LATS2: variants seen among roughly 807,000 people sequenced by gnomAD.
LATS2 encodes large tumor suppressor kinase 2.
Under a neutral mutation model 76.0 loss-of-function variants are expected in LATS2, and 24 were observed. The observed-to-expected ratio is 0.32, with a 90% CI of 0.23 to 0.44. The LOEUF is 0.44. Among genes scored for constraint, LATS2 ranks in the 20% least tolerant of loss-of-function variants. The pLI, the probability that LATS2 is intolerant of heterozygous loss-of-function variation, is 1.00. For missense variants in LATS2, 1,286 were observed against 1,481.2 expected (o/e 0.87, Z 2.16); for synonymous variants, 692 against 635.4 (o/e 1.09, Z -1.34).
At position 21,028,858 on chromosome 13, in the gene LATS2, G is replaced by A. The variant is rs538377731; in HGVS notation, c.342+16827C>T. Among the ~76,000 whole-genome samples, 4 of 152,202 alleles carry A rather than the reference G, an allele frequency of 2.6e-5. No homozygotes were observed. The East Asian group carries it at 7.7e-4, about 29-fold the overall frequency. On this transcript the variant is annotated intron_variant, in intron 2 of 7. Transcript: ENST00000382592. ...ACTGAGATTACAGGTGTGAGCCACC[G>A]TACCCGGCCAAATTTCAACTTTCAA...
chr13:20,992,910 C>G (rs1184981914), intron 2 of LATS2, among the ~76,000 whole-genome samples: 1 of 151,986 alleles, frequency 6.6e-6, no homozygotes, highest in Non-Finnish European at 1.5e-5. Flanking sequence ...TGGTGTGTGC[C>G]TGTAGTTCCA....
intron 1 of LATS2, among the ~76,000 whole-genome samples, chr13:21,048,606 C>T (rs1038209187): frequency 7.2e-5 from 11 of 151,994 alleles, no homozygotes; most frequent in Admixed American, 2.0e-4. Flanking sequence ...TCAAGGCGGG[C>T]GGATCATCTG....
At chr13:21,058,941 G>C (rs1254810795) in intron 1 of LATS2, among the ~76,000 whole-genome samples, 1 of 136,678 alleles carries the variant, frequency 7.3e-6, no homozygotes. Context: ...GGTTGTTACA[G>C]AAAAAAAAAA....
intron 2 of LATS2, among the ~76,000 whole-genome samples, chr13:20,994,900 T>C (rs940418475): frequency 4.6e-5 from 7 of 151,766 alleles, no homozygotes; most frequent in Non-Finnish European, 8.8e-5. Flanking sequence ...GAAGAATGTA[T>C]AAAGATCATC....
intron 2 of LATS2, among the ~76,000 whole-genome samples, chr13:21,011,416 T>C (rs568161642): frequency 7.9e-5 from 12 of 152,354 alleles, no homozygotes; most frequent in South Asian, 4.1e-4. Flanking sequence ...AGGAAACTCC[T>C]GTTTTTAAAC....
chr13:21,044,438 A>C (rs1000619266), intron 2 of LATS2, among the ~76,000 whole-genome samples: 3 of 152,190 alleles, frequency 2.0e-5, no homozygotes, highest in African/African-American at 7.2e-5. Flanking sequence ...TACTTTTCCA[A>C]GGTACCAAAA....
At chr13:20,978,537 T>C (rs1869731088) in intron 7 of LATS2, among the ~76,000 whole-genome samples, 1 of 152,138 alleles carries the variant, frequency 6.6e-6, no homozygotes, top group South Asian at 2.1e-4. Flanking sequence ...CGAACAATGA[T>C]ATAATATCCA....
At chr13:21,018,595 AG>A (rs1871905697) in intron 2 of LATS2, among the ~76,000 whole-genome samples, 1 of 152,222 alleles carries the variant, frequency 6.6e-6, no homozygotes, top group South Asian at 2.1e-4. Context: ...TCCTTCACCC[AG>A]GTGCCTGAGA....
chr13:21,059,181 C>T (rs1051931711), intron 1 of LATS2, among the ~76,000 whole-genome samples: 3 of 152,122 alleles, frequency 2.0e-5, no homozygotes, highest in African/African-American at 4.8e-5. Context: ...TAAAAATGTA[C>T]GTATTTGTTG....
At chr13:21,027,131 T>C (rs1202738815) in intron 2 of LATS2, among the ~76,000 whole-genome samples, 1 of 152,208 alleles carries the variant, frequency 6.6e-6, no homozygotes, top group Non-Finnish European at 1.5e-5. Context: ...GTCAGATATA[T>C]GTATCAGTAA....
At chr13:20,997,635 T>C (rs1359916497) in intron 2 of LATS2, among the ~76,000 whole-genome samples, 1 of 152,210 alleles carries the variant, frequency 6.6e-6, no homozygotes, top group Non-Finnish European at 1.5e-5. Context: ...GCTGACCAGC[T>C]GCCAGACAGC....
intron 4 of LATS2, among the ~76,000 whole-genome samples, chr13:20,984,200 C>G (rs952061540): frequency 3.3e-5 from 5 of 152,182 alleles, no homozygotes; most frequent in Admixed American, 6.5e-5. Context: ...TCCCAAAGTG[C>G]AGGGATTACA....
rs1332467654 is a variant in LATS2 at position 20,983,709 on chromosome 13, G to T, written c.1997C>A (p.Ser666Tyr). ...NRLKRAKMDKSMFVKIKTLGI... is the reference protein window; with the variant it reads ...NRLKRAKMDKYMFVKIKTLGI... ...CAGGGTTTTGATCTTGACAAACATA[G>T]ACTTGTCCATCTTGGCCCTCTTTAA... is the stretch of plus-strand genomic sequence containing the variant. Residue 666 changes from serine (S) to tyrosine (Y), a missense_variant, in exon 5 of 8, where the codon TCT becomes TAT. Transcript: ENST00000382592. 1 of 1,614,086 alleles carries T rather than the reference G, an allele frequency of 6.2e-7. No individual in the cohort carries two copies. Among genetic ancestry groups the T allele is most frequent in the Non-Finnish European group, 8.5e-7 (1 of 1,179,990 alleles).
intron 2 of LATS2, among the ~76,000 whole-genome samples, chr13:20,996,596 G>C (rs1488557984): frequency 2.6e-5 from 4 of 152,050 alleles, no homozygotes; most frequent in African/African-American, 7.2e-5. Flanking sequence ...GGCCAGGCTG[G>C]TCTCGAACTC....
At chr13:21,057,407 G>A (rs1022489045) in intron 1 of LATS2, among the ~76,000 whole-genome samples, 1 of 152,184 alleles carries the variant, frequency 6.6e-6, no homozygotes, top group African/African-American at 2.4e-5. Flanking sequence ...AGTCTTCCCA[G>A]GGTGAACGGC....
chr13:21,028,632 G>A (rs895250569), intron 2 of LATS2, among the ~76,000 whole-genome samples: 16 of 152,168 alleles, frequency 1.1e-4, no homozygotes, highest in African/African-American at 3.4e-4. Flanking sequence ...GTGCAGTAGC[G>A]CGATCTTGAC....
intron 5 of LATS2, among the ~76,000 whole-genome samples, chr13:20,982,861 C>T (rs114585338): frequency 0.029 from 4,356 of 151,430 alleles, 77 homozygotes; most frequent in East Asian, 0.06. Context: ...GGTGGTGGTG[C>T]GTGACTGTAA....
rs540529425 is a variant in LATS2 at position 20,987,980 on chromosome 13, G to T, written c.1800C>A (p.Tyr600Ter). ...RESRIKSYSP[Y>*]AFKFFMEQHV... ...GCTGCTCCATGAAGAACTTAAAGGC[G>T]TATGGCGAGTAGCTCTTGATGCGTG... The change falls in exon 4 of 8, where the codon TAC becomes TAA. Residue 600 changes from tyrosine (Y) to a stop codon, truncating the protein, a stop_gained. Coordinates refer to ENST00000382592, the MANE Select transcript of LATS2 (RefSeq NM_014572.3). LOFTEE classifies it high-confidence loss of function. The T allele has an allele frequency of 6.2e-7, 1 of 1,614,146 alleles. No individual in the cohort carries two copies. The highest frequency in any genetic ancestry group is 1.7e-5 in the Admixed American group (1 of 60,018).
chr13:21,043,794 T>C (rs1291073353), intron 2 of LATS2, among the ~76,000 whole-genome samples: 2 of 152,234 alleles, frequency 1.3e-5, no homozygotes, highest in African/African-American at 2.4e-5. Flanking sequence ...GTATTTGGGA[T>C]TATTTGCTTG....
Sources: gnomAD v4.1 joint callset for allele counts (sites outside exome capture counted in the v4.1 genomes callset) on GRCh38, gnomAD v4.1.1 for gene constraint, MANE v1.5 for transcripts, NCBI Gene and HGNC (gene_info 2026-07-23, HGNC 2026-07-21) for gene names.